SCUBE1: variants seen among roughly 807,000 people sequenced by gnomAD.
The protein encoded by SCUBE1 is signal peptide, CUB and EGF-like domain-containing protein 1.
SCUBE1 carries 59 observed loss-of-function variants against 124.4 expected under a neutral mutation model. That is an observed-to-expected ratio of 0.47 (90% confidence interval 0.38 to 0.59). The LOEUF is 0.59. Ranked by LOEUF, SCUBE1 falls within the 20% of genes least tolerant of loss-of-function variation. The pLI is 0.00. For missense variants in SCUBE1, 1,150 were observed against 1,371.2 expected (o/e 0.84, Z 2.55); for synonymous variants, 545 against 550.9 (o/e 0.99, Z 0.15).
At position 43,197,368 on chromosome 22, in the gene SCUBE1, T is replaced by C. The variant is rs1031537745; in HGVS notation, c.*6629A>G. 2.6e-5 allele frequency: 4 copies of C among 152,244 alleles called. No homozygotes were observed. The highest frequency in any genetic ancestry group is 9.6e-5 in the African/African-American group (4 of 41,454). 9.4% of individuals were successfully genotyped at this position (152,244 alleles called of 1,614,324 possible). On this transcript the variant is annotated 3_prime_UTR_variant, in exon 22 of 22. Coordinates refer to ENST00000360835, the MANE Select transcript of SCUBE1 (RefSeq NM_173050.5). ...GGGGACATGATGGATAAAACAAAACTGAATATTTGTGGCAACTAAAAGGAA... is the reference window on the plus strand; with the variant it reads ...GGGGACATGATGGATAAAACAAAACCGAATATTTGTGGCAACTAAAAGGAA...
chr22:43,268,715 C>G (rs1374379960), intron 4 of SCUBE1, among the ~76,000 whole-genome samples: 1 of 152,252 alleles, frequency 6.6e-6, no homozygotes, highest in Non-Finnish European at 1.5e-5. Flanking sequence ...TGTGCAGCCC[C>G]AGTCTCTGGG....
rs56143728 is a variant in SCUBE1, at chr22:43,323,588, A to ACATCCATCCATC, written c.221-3535_221-3524dup. Among the ~76,000 whole-genome samples the ACATCCATCCATC allele has an allele frequency of 1.0e-3, 148 of 148,722 alleles. 1 individual carries two copies. Among genetic ancestry groups the ACATCCATCCATC allele is most frequent in the Non-Finnish European group, 1.7e-3 (114 of 67,100 alleles). On this transcript the variant is annotated intron_variant, in intron 2 of 21. Transcript: ENST00000360835. Reference sequence around the variant, plus strand: ...TTCATCTAAGCACTGACCCATCCAAACATCCATCCATCCATCCATCCATCC... The same window carrying ACATCCATCCATC: ...TTCATCTAAGCACTGACCCATCCAAACATCCATCCATCCATCCATCCATCCATCCATCCATCC...
intron 3 of SCUBE1, among the ~76,000 whole-genome samples, chr22:43,316,242 G>A (rs1370950005): frequency 6.6e-6 from 1 of 152,190 alleles, no homozygotes; most frequent in Admixed American, 6.5e-5. Context: ...GCATGGAGAG[G>A]TAAAGTGACT....
chr22:43,258,115 T>G lies in SCUBE1; in HGVS notation c.727+104A>C. 1 of 839,616 alleles carries G rather than the reference T, an allele frequency of 1.2e-6. No individual in the cohort carries two copies. Among genetic ancestry groups the G allele is most frequent in the South Asian group, 1.4e-5 (1 of 71,716 alleles). 52.0% of individuals were successfully genotyped at this position (839,616 alleles called of 1,614,324 possible). On this transcript the variant is annotated intron_variant, in intron 6 of 21. Transcript: ENST00000360835. The surrounding 1 kb of genome is among the most constrained non-coding windows in gnomAD (Gnocchi z 5.0). The stretch of plus-strand genomic sequence containing the variant: ...TTTCCTTGTTTCCCTGAAGCTTCCT[T>G]CCGGGGAACCCGGACGTGGCAGGGT...
At chr22:43,279,760 T>C (rs1569008835) in intron 4 of SCUBE1, among the ~76,000 whole-genome samples, 1 of 152,112 alleles carries the variant, frequency 6.6e-6, no homozygotes, top group Admixed American at 6.6e-5. Context: ...CTGCCTCAGG[T>C]TGGACCCTCC....
chr22:43,287,654 G>A (rs952652621), intron 4 of SCUBE1, among the ~76,000 whole-genome samples: 2 of 152,218 alleles, frequency 1.3e-5, no homozygotes, highest in African/African-American at 4.8e-5. Flanking sequence ...CCTGTTCAGG[G>A]GTAGGCTCCA....
rs533739950 is a variant in SCUBE1 at position 43,254,229 on chromosome 22, C to T, written c.727+3990G>A. Among the ~76,000 whole-genome samples the T allele has an allele frequency of 7.2e-5, 11 of 152,356 alleles. No individual in the cohort carries two copies. In the East Asian group the frequency reaches 2.1e-3, roughly 29 times the overall value. On this transcript the variant is annotated intron_variant, in intron 6 of 21. Coordinates refer to ENST00000360835, the MANE Select transcript of SCUBE1 (RefSeq NM_173050.5). Reference sequence around the variant, plus strand: ...TCTGATCTCTCTGGCCCTTACTCTTCTCATCCGAGAAAGAGGGCCACACCT... The same window carrying T: ...TCTGATCTCTCTGGCCCTTACTCTTTTCATCCGAGAAAGAGGGCCACACCT...
Position 43,208,241 on chromosome 22 carries a change from A to G in SCUBE1, c.2582-17T>C. 2.5e-6 allele frequency: 4 copies of G among 1,613,118 alleles called. No homozygotes were observed. Among genetic ancestry groups the G allele is most frequent in the South Asian group, 1.1e-5 (1 of 91,058 alleles). ...TGGGAGAGGCTGCGGGTGAAGCATCATTGCTGAGCTGCCACAGGTAGGCAG... is the reference window on the plus strand; with the variant it reads ...TGGGAGAGGCTGCGGGTGAAGCATCGTTGCTGAGCTGCCACAGGTAGGCAG... On this transcript the variant is annotated splice_polypyrimidine_tract_variant and intron_variant, in intron 19 of 21. Transcript: ENST00000360835.
At chr22:43,242,175 G>T (rs1199173747) in intron 6 of SCUBE1, among the ~76,000 whole-genome samples, 1 of 152,228 alleles carries the variant, frequency 6.6e-6, no homozygotes, top group Admixed American at 6.5e-5. Context: ...GGCGGGCCTG[G>T]TGGGGCCGAG....
At chr22:43,337,364 G>A (rs1027420169) in intron 2 of SCUBE1, among the ~76,000 whole-genome samples, 1 of 152,236 alleles carries the variant, frequency 6.6e-6, no homozygotes, top group Admixed American at 6.5e-5. Context: ...GGCCAGGTCA[G>A]TGGCTTAAAC....
At chr22:43,315,027 T>A (rs1004844158) in intron 3 of SCUBE1, among the ~76,000 whole-genome samples, 15 of 148,020 alleles carry the variant, frequency 1.0e-4, no homozygotes, top group East Asian at 2.0e-4. Context: ...TGATTTTTTT[T>A]AATGTGATAA....
intron 1 of SCUBE1, among the ~76,000 whole-genome samples, chr22:43,342,792 C>A (rs978283390): frequency 6.6e-6 from 1 of 151,882 alleles, no homozygotes; most frequent in Non-Finnish European, 1.5e-5. Context: ...CCTGGCGTGT[C>A]CCCCTCCGCC....
rs35230785 is a variant in SCUBE1, at chr22:43,319,558, C to CAAAAAAAA, written c.349+371_349+378dup. Among the ~76,000 whole-genome samples, 157 of 55,164 alleles carry CAAAAAAAA rather than the reference C, an allele frequency of 2.8e-3. 19 individuals are homozygous for CAAAAAAAA. The highest frequency in any genetic ancestry group is 0.012 in the African/African-American group (145 of 12,100). The allele number at this position is 55,164 out of a possible 152,430, so 36.2% of individuals were successfully genotyped here. ...TGGGTGACAGAGCAAGACTCCATCT[C>CAAAAAAAA]AAAAAAAAAAAAAAAAAAAAAAGAA... is the stretch of plus-strand genomic sequence containing the variant. On this transcript the variant is annotated intron_variant, in intron 3 of 21. Coordinates refer to ENST00000360835, the MANE Select transcript of SCUBE1 (RefSeq NM_173050.5).
At chr22:43,317,108 T>C (rs1375188273) in intron 3 of SCUBE1, 1 of 152,172 alleles carries the variant, frequency 6.6e-6, no homozygotes, top group African/African-American at 2.4e-5. Flanking sequence ...TTGTGAAGCA[T>C]TCCTAAGGAA....
intron 4 of SCUBE1, among the ~76,000 whole-genome samples, chr22:43,264,888 CCT>C (rs760135473): frequency 5.9e-5 from 9 of 152,246 alleles, no homozygotes; most frequent in Non-Finnish European, 1.0e-4. Flanking sequence ...CTGGCTCCTG[CCT>C]TCTACTCCCT....
chr22:43,235,547 G>C (rs560128087), intron 7 of SCUBE1, among the ~76,000 whole-genome samples: 2 of 152,274 alleles, frequency 1.3e-5, no homozygotes, highest in African/African-American at 4.8e-5. Context: ...CACTGCAGAG[G>C]GGGAAGAGGA....
intron 4 of SCUBE1, 118 bp from the exon 5 acceptor site, chr22:43,262,963 TG>T: frequency 9.0e-7 from 1 of 1,113,742 alleles, no homozygotes. Context: ...TGTCATTGCA[TG>T]TATCATGCAC....
At chr22:43,275,510 C>G (rs1924470700) in intron 4 of SCUBE1, among the ~76,000 whole-genome samples, 1 of 152,226 alleles carries the variant, frequency 6.6e-6, no homozygotes, top group Non-Finnish European at 1.5e-5. Flanking sequence ...TTAAACACAT[C>G]CCTGCCCTTC....
chr22:43,240,033 A>C (rs1922940801), intron 6 of SCUBE1, among the ~76,000 whole-genome samples: 2 of 152,106 alleles, frequency 1.3e-5, no homozygotes, highest in African/African-American at 4.8e-5. Context: ...ATTAAATGAA[A>C]TGCATGGTGC....
Sources: gnomAD v4.1 joint callset for allele counts (sites outside exome capture counted in the v4.1 genomes callset) on GRCh38, gnomAD v4.1.1 for gene constraint, Gnocchi (gnomAD v3.1) non-coding constraint, MANE v1.5 for transcripts, NCBI Gene and HGNC (gene_info 2026-07-23, HGNC 2026-07-21) for gene names.